Variants in NXPE2 observed in about 807,000 individuals in gnomAD.
The protein encoded by NXPE2 is NXPE family member 2.
A neutral mutation model predicts 34.4 loss-of-function variants in NXPE2; 34 were observed. The ratio of observed to expected loss-of-function variants is 0.99; its 90% CI spans 0.75 to 1.31. The LOEUF (loss-of-function observed/expected upper bound fraction) is 1.31. NXPE2 is among the 40% of genes most tolerant of loss of function. NXPE2 has a pLI of 0.00. For missense variants in NXPE2, 649 were observed against 672.5 expected (o/e 0.97, Z 0.39); for synonymous variants, 235 against 231.3 (o/e 1.02, Z -0.15).
At chr11:114,714,926 G>A in the NXPE2 span, among the ~76,000 whole-genome samples, 4 of 152,100 alleles carry the variant, frequency 2.6e-5, no homozygotes, top group South Asian at 8.3e-4. Context: ...GGAGCCTGAG[G>A]CAGAAGAATT....
the NXPE2 span, among the ~76,000 whole-genome samples, chr11:114,571,752 C>T: frequency 6.6e-6 from 1 of 152,190 alleles, no homozygotes; most frequent in African/African-American, 2.4e-5. Flanking sequence ...TGAACTTCTG[C>T]TCCAAGAACT....
chr11:114,664,964 G>T, the NXPE2 span, among the ~76,000 whole-genome samples: 983 of 152,272 alleles, frequency 6.5e-3, 8 homozygotes, highest in Non-Finnish European at 8.5e-3. Context: ...TGTTTGGTAG[G>T]TTAGATGTAT....
In NXPE2 at chr11:114,698,748, T is replaced by C. The variant is rs1298789481; in HGVS notation, c.836T>C (p.Leu279Pro). ...ACTAGGACAAGAAATATTTCCTATC[T>C]TAGCAAGGAAGAATGGAGGCTTTTC... is the stretch of plus-strand genomic sequence containing the variant. ...MTTRTRNISY[L>P]SKEEWRLFHR... Residue 279 changes from leucine to proline, a missense_variant, in exon 3 of 6, where the codon CTT becomes CCT. By Grantham distance (98) the Leu-to-Pro change is moderately conservative. Coordinates refer to ENST00000389586, the MANE Select transcript of NXPE2 (RefSeq NM_182495.6). 1.3e-6 allele frequency: 2 copies of C among 1,589,096 alleles called. No homozygotes were observed. Among genetic ancestry groups the C allele is most frequent in the South Asian group, 1.1e-5 (1 of 87,368 alleles).
At chr11:114,602,874 A>G in the NXPE2 span, among the ~76,000 whole-genome samples, 1 of 148,010 alleles carries the variant, frequency 6.8e-6, no homozygotes, top group Non-Finnish European at 1.5e-5. Flanking sequence ...ATATATAATT[A>G]TAGAAACATA....
the NXPE2 span, among the ~76,000 whole-genome samples, chr11:114,565,794 G>A: frequency 6.6e-6 from 1 of 152,134 alleles, no homozygotes; most frequent in East Asian, 1.9e-4. Flanking sequence ...TGGCTACTAG[G>A]CAAAGAATGG....
the NXPE2 span, chr11:114,530,547 C>T: frequency 8.7e-6 from 14 of 1,613,974 alleles, no homozygotes; most frequent in Non-Finnish European, 1.2e-5. Context: ...CATCACCTTT[C>T]CTGAAGCACC....
chr11:114,725,096 A>G, the NXPE2 span, among the ~76,000 whole-genome samples: 1 of 151,762 alleles, frequency 6.6e-6, no homozygotes, highest in African/African-American at 2.4e-5. Flanking sequence ...CAGCCAGCCA[A>G]ATTTCCTTAT....
intron 4 of NXPE2, among the ~76,000 whole-genome samples, chr11:114,705,479 G>A (rs1470490809): frequency 6.6e-6 from 1 of 152,194 alleles, no homozygotes; most frequent in Non-Finnish European, 1.5e-5. Context: ...ATTTCCTCCT[G>A]ACTCTGGCTG....
chr11:114,634,122 C>T, the NXPE2 span, among the ~76,000 whole-genome samples: 1 of 151,518 alleles, frequency 6.6e-6, no homozygotes, highest in Non-Finnish European at 1.5e-5. Context: ...TCTCCAGCAC[C>T]TGTTGTTTCC....
rs531314403 is a variant in NXPE2, at chr11:114,692,161, C to T, written c.133-5884C>T. ...CTGAGCCTAAAATGTCTGCTGTGGT[C>T]ACCACTGCCAAGTGGCCAAACAATG... is the stretch of plus-strand genomic sequence containing the variant. On this transcript the variant is annotated intron_variant, in intron 2 of 5. Coordinates refer to ENST00000389586, the MANE Select transcript of NXPE2 (RefSeq NM_182495.6). Among the ~76,000 whole-genome samples the T allele has an allele frequency of 7.2e-5, 11 of 152,328 alleles. No homozygotes were observed. In the South Asian group the frequency reaches 2.3e-3, roughly 32 times the overall value.
the NXPE2 span, among the ~76,000 whole-genome samples, chr11:114,752,155 G>A: frequency 2.6e-5 from 4 of 152,350 alleles, no homozygotes; most frequent in African/African-American, 9.6e-5. Context: ...GAACCATGTG[G>A]ATATTTCAGG....
the NXPE2 span, among the ~76,000 whole-genome samples, chr11:114,490,762 TAGGCAGTACCATTC>T: frequency 6.6e-6 from 1 of 152,192 alleles, no homozygotes; most frequent in Non-Finnish European, 1.5e-5. Flanking sequence ...GAAGAAAACC[TAGGCAGTACCATTC>T]AGGCCATAGG....
chr11:114,688,339 A>G (rs778162098), intron 2 of NXPE2, among the ~76,000 whole-genome samples: 3 of 152,076 alleles, frequency 2.0e-5, no homozygotes, highest in Non-Finnish European at 4.4e-5. Flanking sequence ...ATCTATTGAG[A>G]TGATGATATA....
At chr11:114,482,877 A>T in the NXPE2 span, among the ~76,000 whole-genome samples, 5 of 152,104 alleles carry the variant, frequency 3.3e-5, no homozygotes, top group African/African-American at 1.2e-4. Flanking sequence ...CAATCCACAG[A>T]GTTTTTTTTC....
the NXPE2 span, chr11:114,582,747 C>A: frequency 2.5e-6 from 4 of 1,614,166 alleles, no homozygotes; most frequent in East Asian, 2.2e-5. Context: ...CAAGTGGTCC[C>A]TCACCTCCAG....
chr11:114,535,306 G>A, the NXPE2 span, among the ~76,000 whole-genome samples: 12 of 152,102 alleles, frequency 7.9e-5, no homozygotes, highest in Non-Finnish European at 1.3e-4. Context: ...AGGAGCAACC[G>A]GTACCAGCCA....
the NXPE2 span, among the ~76,000 whole-genome samples, chr11:114,635,446 T>C: frequency 4.0e-5 from 6 of 151,676 alleles, no homozygotes; most frequent in African/African-American, 1.5e-4. Flanking sequence ...CCTAATTGAA[T>C]ACCCTTTATT....
the NXPE2 span, among the ~76,000 whole-genome samples, chr11:114,498,215 C>T: frequency 2.1e-3 from 321 of 151,784 alleles, 1 homozygote; most frequent in African/African-American, 6.7e-3. Context: ...CTGGTTTTTC[C>T]GTATAGAGAA....
At chr11:114,556,267 C>A in the NXPE2 span, among the ~76,000 whole-genome samples, 1 of 152,282 alleles carries the variant, frequency 6.6e-6, no homozygotes, top group African/African-American at 2.4e-5. Flanking sequence ...CCACGTTCCT[C>A]CTTTTTACTG....
Sources: gnomAD v4.1 joint callset for allele counts (sites outside exome capture counted in the v4.1 genomes callset) on GRCh38, gnomAD v4.1.1 for gene constraint, MANE v1.5 for transcripts, NCBI Gene and HGNC (gene_info 2026-07-23, HGNC 2026-07-21) for gene names.